Variants in ELAVL2 observed in about 807,000 individuals in gnomAD.
ELAVL2 encodes the protein ELAV-like protein 2.
In ELAVL2, 4 loss-of-function variants were observed where a neutral mutation model predicts 34.6. That is an observed-to-expected ratio of 0.12 (90% CI 0.06 to 0.26). ELAVL2 has a LOEUF of 0.26. Ranked by LOEUF, ELAVL2 falls within the 10% of genes least tolerant of loss-of-function variation. The pLI, the probability that ELAVL2 is intolerant of heterozygous loss-of-function variation, is 1.00. For missense variants in ELAVL2, 432 were observed against 442.8 expected (o/e 0.98, Z 0.22); for synonymous variants, 193 against 154.8 (o/e 1.25, Z -1.83).
upstream of ELAVL2, among the ~76,000 whole-genome samples, chr9:23,829,440 T>A (rs1246457950): frequency 6.6e-6 from 1 of 152,222 alleles, no homozygotes; most frequent in African/African-American, 2.4e-5. Flanking sequence ...CTTGTAACGT[T>A]TTGTAAGTAA....
At chr9:23,709,067 G>T (rs2040209658) in intron 3 of ELAVL2, among the ~76,000 whole-genome samples, 1 of 152,074 alleles carries the variant, frequency 6.6e-6, no homozygotes, top group African/African-American at 2.4e-5. Context: ...ATTCTCAGGA[G>T]TAAGCAATGC....
intron 1 of ELAVL2, among the ~76,000 whole-genome samples, chr9:23,818,151 C>G (rs943992280): frequency 6.6e-6 from 1 of 152,104 alleles, no homozygotes; most frequent in South Asian, 2.1e-4. Flanking sequence ...ATGAAAATGG[C>G]CAAAGCAAGA....
At chr9:23,820,458 A>C (rs2064411943) in intron 1 of ELAVL2, among the ~76,000 whole-genome samples, 1 of 152,194 alleles carries the variant, frequency 6.6e-6, no homozygotes, top group Non-Finnish European at 1.5e-5. Flanking sequence ...ATGTTTTCAG[A>C]AAATGTAGAG....
At chr9:23,761,162 T>C (rs1237299723) in intron 2 of ELAVL2, among the ~76,000 whole-genome samples, 1 of 152,104 alleles carries the variant, frequency 6.6e-6, no homozygotes, top group Non-Finnish European at 1.5e-5. Context: ...ATAAGCTTTG[T>C]AAAGCAATTT....
chr9:23,721,733 G>A (rs2043786924), intron 3 of ELAVL2, among the ~76,000 whole-genome samples: 1 of 152,114 alleles, frequency 6.6e-6, no homozygotes, highest in Admixed American at 6.5e-5. Context: ...CAAGGGGGAA[G>A]GATCCTTATG....
chr9:23,715,962 G>A lies in ELAVL2; in HGVS notation c.334-10891C>T, dbSNP rs147644755. Among the ~76,000 whole-genome samples the A allele has an allele frequency of 4.8e-3, 732 of 152,264 alleles. 1 individual carries two copies. Among genetic ancestry groups the A allele is most frequent in the Middle Eastern group, 0.017 (5 of 294 alleles). On this transcript the variant is annotated intron_variant, in intron 3 of 6. Transcript: ENST00000397312. Reference sequence around the variant, plus strand: ...GACTTTCATACACTTCTTCATCCATGATCTGACAGAGAGAAGTACATGAAA... The same window carrying A: ...GACTTTCATACACTTCTTCATCCATAATCTGACAGAGAGAAGTACATGAAA...
At chr9:23,746,041 C>T (rs981232900) in intron 2 of ELAVL2, among the ~76,000 whole-genome samples, 4 of 152,118 alleles carry the variant, frequency 2.6e-5, no homozygotes, top group South Asian at 2.1e-4. Flanking sequence ...AAGGGAGGAT[C>T]GGTATCTTCA....
At chr9:23,716,028 A>C (rs893851677) in intron 3 of ELAVL2, among the ~76,000 whole-genome samples, 1 of 152,128 alleles carries the variant, frequency 6.6e-6, no homozygotes, top group African/African-American at 2.4e-5. Flanking sequence ...GGTGGACATT[A>C]TGTAGAAAAT....
In ELAVL2 at chr9:23,692,490, A is replaced by G. The variant is rs931248460; in HGVS notation, c.*67T>C. 98 of 1,476,754 alleles carry G rather than the reference A, an allele frequency of 6.6e-5. No homozygotes were observed. The highest frequency in any genetic ancestry group is 9.1e-6 in the Non-Finnish European group (10 of 1,099,262). The allele number at this position is 1,476,754 out of a possible 1,614,324, so 91.5% of individuals were successfully genotyped here. ...CTTACAAAGACATTTACTAATGTAT[A>G]AAGTTTCTCTTAACTTGCCTTTGTT... On this transcript the variant is annotated 3_prime_UTR_variant, in exon 7 of 7. Transcript: ENST00000397312.
At chr9:23,711,943 C>T (rs1321810331) in intron 3 of ELAVL2, among the ~76,000 whole-genome samples, 1 of 152,124 alleles carries the variant, frequency 6.6e-6, no homozygotes, top group Non-Finnish European at 1.5e-5. Flanking sequence ...ACATTATACG[C>T]ATTGGTACTT....
At position 23,693,368 on chromosome 9, in the gene ELAVL2, G is replaced by A. The variant is rs1034870551; in HGVS notation, c.752+80C>T. On this transcript the variant is annotated intron_variant, in intron 6 of 6. Coordinates refer to ENST00000397312, the MANE Select transcript of ELAVL2 (RefSeq NM_004432.5). ...AAAACCCAACAAAAACTTATGAGGG[G>A]TGTGAATAGCACTCCCAAAATCAAA... 4 of 1,540,672 alleles carry A rather than the reference G, an allele frequency of 2.6e-6. No individual in the cohort carries two copies. The African/African-American group carries it at 5.5e-5, about 21-fold the overall frequency.
chr9:23,737,521 G>A (rs774384376), intron 2 of ELAVL2, among the ~76,000 whole-genome samples: 1 of 152,166 alleles, frequency 6.6e-6, no homozygotes, highest in African/African-American at 2.4e-5. Flanking sequence ...CCACAAATCG[G>A]TAAGTATGAA....
At chr9:23,822,121 G>C (rs1485259642) in intron 1 of ELAVL2, among the ~76,000 whole-genome samples, 1 of 152,138 alleles carries the variant, frequency 6.6e-6, no homozygotes, top group Non-Finnish European at 1.5e-5. Flanking sequence ...CAAATCCCGA[G>C]GCCCGGGGCG....
At chr9:23,699,553 C>T (rs138337938) in intron 5 of ELAVL2, among the ~76,000 whole-genome samples, 2 of 152,096 alleles carry the variant, frequency 1.3e-5, no homozygotes, top group Non-Finnish European at 2.9e-5. Flanking sequence ...CCAAAGAGCT[C>T]TGAAATTAAC....
intron 1 of ELAVL2, chr9:23,779,349 A>ACT: frequency 5.1e-6 from 5 of 985,454 alleles, no homozygotes; most frequent in Non-Finnish European, 6.0e-6. Flanking sequence ...GGCCTGCAGA[A>ACT]AGTCTTCAAA....
intron 2 of ELAVL2, among the ~76,000 whole-genome samples, chr9:23,751,255 T>C (rs941673354): frequency 6.6e-6 from 1 of 152,124 alleles, no homozygotes; most frequent in African/African-American, 2.4e-5. Flanking sequence ...AAAGAACTCA[T>C]TAAGAGCTAA....
chr9:23,821,420 AG>A (rs2064693617), intron 1 of ELAVL2: 1 of 152,094 alleles, frequency 6.6e-6, no homozygotes, highest in Non-Finnish European at 1.5e-5. Context: ...GCTGAGCTCT[AG>A]GAACTTCGCG....
At chr9:23,727,085 TG>T (rs1305905738) in intron 3 of ELAVL2, among the ~76,000 whole-genome samples, 2 of 152,110 alleles carry the variant, frequency 1.3e-5, no homozygotes, top group African/African-American at 4.8e-5. Flanking sequence ...AAAACATTTT[TG>T]TAATATTCAC....
intron 2 of ELAVL2, among the ~76,000 whole-genome samples, chr9:23,748,065 C>A (rs950178153): frequency 1.3e-5 from 2 of 151,646 alleles, no homozygotes; most frequent in Non-Finnish European, 2.9e-5. Context: ...TTTAAGTTTT[C>A]TCTAACTACA....
Sources: gnomAD v4.1 joint callset for allele counts (sites outside exome capture counted in the v4.1 genomes callset) on GRCh38, gnomAD v4.1.1 for gene constraint, MANE v1.5 for transcripts, NCBI Gene and HGNC (gene_info 2026-07-23, HGNC 2026-07-21) for gene names.